Variants in RTCB observed in about 807,000 individuals in gnomAD.
The protein encoded by RTCB is RNA 2',3'-cyclic phosphate and 5'-OH ligase.
Under a neutral mutation model 58.2 loss-of-function variants are expected in RTCB, and 32 were observed. That is an observed-to-expected ratio of 0.55 (90% CI 0.41 to 0.74). The LOEUF (loss-of-function observed/expected upper bound fraction) is 0.74, where lower values mean the gene tolerates loss of function less well. Ranked by LOEUF, RTCB falls within the 30% of genes least tolerant of loss-of-function variation. The pLI is 0.00. For missense variants in RTCB, 523 were observed against 639.0 expected (o/e 0.82, Z 1.96); for synonymous variants, 247 against 218.6 (o/e 1.13, Z -1.15).
intron 11 of RTCB, among the ~76,000 whole-genome samples, chr22:32,390,712 T>C (rs1933141828): frequency 2.0e-5 from 3 of 152,214 alleles, no homozygotes. Flanking sequence ...CCTCCCAAAA[T>C]GCTGGGATTA....
chr22:32,409,632 CAATTT>C (rs1329656930), intron 1 of RTCB, among the ~76,000 whole-genome samples: 2 of 152,122 alleles, frequency 1.3e-5, no homozygotes, highest in Non-Finnish European at 2.9e-5. Flanking sequence ...GCATAAATAA[CAATTT>C]AATACCCACT....
At chr22:32,408,684 G>T in intron 2 of RTCB, 71 bp downstream of exon 2, 1 of 1,083,062 alleles carries the variant, frequency 9.2e-7, no homozygotes, top group Non-Finnish European at 1.4e-6. Flanking sequence ...ATAATTATTT[G>T]AGTTGCCACT....
chr22:32,406,669 TA>T lies in RTCB; in HGVS notation c.332del (p.Val111AspfsTer17), dbSNP rs762324932. The T allele has an allele frequency of 1.2e-6, 2 of 1,608,030 alleles. No individual in the cohort carries two copies. ...AFDMNDPEAVVSPGGVGFDIN... is the reference protein window; with the variant it reads ...AFDMNDPEAVXSPGGVGFDIN... ...TGTCCACAGTGATCTTACCTGGGGA[TA>T]CTACTGCTTCAGGGTCATTCATATC... is the stretch of plus-strand genomic sequence containing the variant. On this transcript the variant is annotated frameshift_variant, in exon 4 of 12. Coordinates refer to ENST00000216038, the MANE Select transcript of RTCB (RefSeq NM_014306.5). LOFTEE classifies it high-confidence loss of function.
chr22:32,396,501 G>A (rs1437259415), intron 7 of RTCB, among the ~76,000 whole-genome samples: 1 of 152,228 alleles, frequency 6.6e-6, no homozygotes, highest in Non-Finnish European at 1.5e-5. Context: ...GAAAGAGAAT[G>A]GGATGTGTAA....
At position 32,393,973 on chromosome 22, in the gene RTCB, G is replaced by A. The variant is rs778497188; in HGVS notation, c.1209C>T (p.Gly403=). ...GAACATAACTACAGGTTCCCATGGT[G>A]CCACCAATGAGCACTGGCTGTCCAG... is the stretch of plus-strand genomic sequence containing the variant. The part of the protein sequence containing the change: ...QLTGQPVLIG[G]TMGTCSYVLT... Residue 403 remains glycine (G), a synonymous_variant, in exon 10 of 12, where the codon GGC becomes GGT. Transcript: ENST00000216038. The A allele has an allele frequency of 4.3e-6, 7 of 1,613,734 alleles. No individual in the cohort carries two copies. Among genetic ancestry groups the A allele is most frequent in the Admixed American group, 1.7e-5 (1 of 60,004 alleles).
chr22:32,401,332 C>T (rs1654577074), intron 5 of RTCB, among the ~76,000 whole-genome samples: 1 of 151,912 alleles, frequency 6.6e-6, no homozygotes, highest in African/African-American at 2.4e-5. Context: ...AAGTGATCCT[C>T]CTGCCTTGGC....
In RTCB at chr22:32,402,322, T is replaced by A. The variant is rs1933349603; in HGVS notation, c.341-419A>T. ...TCCATCTTTCTACTTTTTTAGGGTA[T>A]AATTTGTTGTGCTTTCTAGGGTCAC... On this transcript the variant is annotated intron_variant, in intron 4 of 11. Coordinates refer to ENST00000216038, the MANE Select transcript of RTCB (RefSeq NM_014306.5). Among the ~76,000 whole-genome samples, 3 of 152,250 alleles carry A rather than the reference T, an allele frequency of 2.0e-5. 1 individual carries two copies. The highest frequency in any genetic ancestry group is 2.0e-4 in the Admixed American group (3 of 15,282).
chr22:32,408,824 C>T lies in RTCB; in HGVS notation c.103G>A (p.Val35Ile). Reference protein sequence around the residue: ...GFVPNMQVEGVFYVNDALEKL... With the variant: ...GFVPNMQVEGIFYVNDALEKL... The stretch of plus-strand genomic sequence containing the variant: ...TCCAGAGCATCATTCACATAGAAAA[C>T]ACCTTCAACCTAGTACCAAGGAAAG... Residue 35 changes from valine (V) to isoleucine (I), a missense_variant, in exon 2 of 12, where the codon GTT becomes ATT. Physicochemically the swap from Val to Ile is conservative, Grantham distance 29 (BLOSUM62 3). This residue lies in a region of RTCB where 134 missense variants were observed against 129.9 expected (regional missense o/e 1.03). Coordinates refer to ENST00000216038, the MANE Select transcript of RTCB (RefSeq NM_014306.5). 1 of 1,613,156 alleles carries T rather than the reference C, an allele frequency of 6.2e-7. No homozygotes were observed. Among genetic ancestry groups the T allele is most frequent in the Admixed American group, 1.7e-5 (1 of 60,018 alleles).
intron 10 of RTCB, among the ~76,000 whole-genome samples, chr22:32,393,363 G>A (rs190262134): frequency 6.6e-6 from 1 of 152,238 alleles, no homozygotes; most frequent in Non-Finnish European, 1.5e-5. Flanking sequence ...AAATATTTAC[G>A]GTCTGGCCCT....
chr22:32,395,067 C>A lies in RTCB; in HGVS notation c.1138G>T (p.Ala380Ser). ...LLVHRKGSTR[A>S]FPPHHPLIAV... ...ATGAGGGGATGGTGAGGAGGGAAAG[C>A]GCGGGTGGATCCCTTCCTGTGTACT... Residue 380 changes from alanine to serine, a missense_variant, in exon 9 of 12, where the codon GCT becomes TCT. Physicochemically the swap from Ala to Ser is moderately conservative, Grantham distance 99. Transcript: ENST00000216038. 1 of 1,614,130 alleles carries A rather than the reference C, an allele frequency of 6.2e-7. No homozygotes were observed. Among genetic ancestry groups the A allele is most frequent in the Non-Finnish European group, 8.5e-7 (1 of 1,180,016 alleles).
chr22:32,401,041 C>T (rs1933327416), intron 5 of RTCB, among the ~76,000 whole-genome samples: 1 of 151,288 alleles, frequency 6.6e-6, no homozygotes, highest in African/African-American at 2.4e-5. Context: ...CAGAATACAG[C>T]TTCTGAAGTC....
intron 6 of RTCB, among the ~76,000 whole-genome samples, chr22:32,398,704 T>C (rs1933286522): frequency 6.6e-6 from 1 of 152,208 alleles, no homozygotes; most frequent in African/African-American, 2.4e-5. Context: ...GAGTCAAATT[T>C]TGGGATAAAT....
chr22:32,392,613 C>T, intron 10 of RTCB: 2 of 588,096 alleles, frequency 3.4e-6, no homozygotes, highest in Non-Finnish European at 6.1e-6. Flanking sequence ...CTAAGACCCA[C>T]TAAATGCCAA....
chr22:32,404,252 G>C (rs1682207713), intron 4 of RTCB, among the ~76,000 whole-genome samples: 1 of 152,088 alleles, frequency 6.6e-6, no homozygotes, highest in Admixed American at 6.5e-5. Context: ...TACCATAATG[G>C]CTGTGCCAAT....
intron 8 of RTCB, among the ~76,000 whole-genome samples, chr22:32,395,782 C>T (rs2145891317): frequency 6.6e-6 from 1 of 152,242 alleles, no homozygotes; most frequent in Middle Eastern, 3.4e-3. Context: ...GCAAGCTCCA[C>T]TTTCCAGGTT....
At chr22:32,400,779 C>T (rs1228504026) in intron 5 of RTCB, among the ~76,000 whole-genome samples, 2 of 152,076 alleles carry the variant, frequency 1.3e-5, no homozygotes, top group African/African-American at 4.8e-5. Context: ...ATGCAAAGTT[C>T]ACATAAATTT....
intron 4 of RTCB, among the ~76,000 whole-genome samples, chr22:32,405,845 A>C (rs1213050469): frequency 6.6e-6 from 1 of 152,232 alleles, no homozygotes; most frequent in Non-Finnish European, 1.5e-5. Flanking sequence ...AACAGCAAAG[A>C]TATTACTTCT....
At chr22:32,392,163 T>C (rs1338572906) in intron 11 of RTCB, 77 bp downstream of exon 11, 4 of 1,455,938 alleles carry the variant, frequency 2.7e-6, no homozygotes, top group Admixed American at 2.3e-5. Flanking sequence ...ACACCCTAAA[T>C]TGCTGTCTCT....
intron 9 of RTCB, 126 bp downstream of exon 9, chr22:32,394,900 T>G: frequency 1.3e-6 from 1 of 796,540 alleles, no homozygotes; most frequent in South Asian, 1.9e-5. Context: ...TGGGAATCAC[T>G]GTTCTCATGA....
Sources: allele counts gnomAD v4.1 joint callset (sites outside exome capture counted in the v4.1 genomes callset), GRCh38; gene constraint gnomAD v4.1.1; regional missense constraint gnomAD v4.1.1; transcripts MANE v1.5; gene names NCBI Gene and HGNC (gene_info 2026-07-23, HGNC 2026-07-21).